Variants in CDH13 observed in about 807,000 individuals in gnomAD.
The protein encoded by CDH13 is cadherin-13.
A neutral mutation model predicts 63.8 loss-of-function variants in CDH13; 24 were observed. That is an observed-to-expected ratio of 0.38 (90% confidence interval 0.27 to 0.53). The LOEUF (loss-of-function observed/expected upper bound fraction) is 0.53, where lower values mean the gene tolerates loss of function less well. Among genes scored for constraint, CDH13 ranks in the 20% least tolerant of loss-of-function variants. The pLI is 0.85. For missense variants in CDH13, 1,049 were observed against 903.1 expected (o/e 1.16, Z -2.07); for synonymous variants, 503 against 355.3 (o/e 1.42, Z -4.67).
At chr16:82,728,230 A>G (rs1016878993) in intron 1 of CDH13, among the ~76,000 whole-genome samples, 2 of 152,166 alleles carry the variant, frequency 1.3e-5, no homozygotes, top group Non-Finnish European at 2.9e-5. Flanking sequence ...TGCTTCTCAG[A>G]TGCAATCCTT....
intron 2 of CDH13, among the ~76,000 whole-genome samples, chr16:82,922,938 A>C (rs1032276384): frequency 2.0e-5 from 3 of 152,178 alleles, no homozygotes; most frequent in Non-Finnish European, 4.4e-5. Flanking sequence ...GCAATAAAGC[A>C]AGTCACACAT....
intron 7 of CDH13, among the ~76,000 whole-genome samples, chr16:83,600,856 C>T (rs1333656587): frequency 2.6e-5 from 4 of 152,128 alleles, no homozygotes; most frequent in Admixed American, 1.3e-4. Context: ...AGTACAACCA[C>T]TAAGAACCAT....
chr16:83,440,981 T>A (rs1036286474), intron 6 of CDH13, among the ~76,000 whole-genome samples: 4 of 152,200 alleles, frequency 2.6e-5, no homozygotes, highest in African/African-American at 9.6e-5. Flanking sequence ...TGTTCATCCC[T>A]GAACACAACC....
At chr16:82,697,417 T>C (rs12928330) in intron 1 of CDH13, among the ~76,000 whole-genome samples, 2,949 of 108,250 alleles carry the variant, frequency 0.027, 68 homozygotes, top group Middle Eastern at 0.07. Flanking sequence ...AAGGCATTTC[T>C]TTTTTCTTTT....
chr16:83,112,187 A>G (rs530511165), intron 3 of CDH13, among the ~76,000 whole-genome samples: 3 of 152,280 alleles, frequency 2.0e-5, no homozygotes, highest in South Asian at 2.1e-4. Context: ...TCTTTCATTT[A>G]TTCACACATG....
chr16:82,723,030 GT>G (rs1402078585), intron 1 of CDH13: 5 of 152,190 alleles, frequency 3.3e-5, no homozygotes, highest in Non-Finnish European at 7.3e-5. Flanking sequence ...GGGCCAAGAT[GT>G]CTAAAGTTGA....
chr16:83,087,125 A>G (rs530093252), intron 3 of CDH13, among the ~76,000 whole-genome samples: 1 of 152,336 alleles, frequency 6.6e-6, no homozygotes, highest in East Asian at 1.9e-4. Context: ...CATAAAATGT[A>G]CACACAGCAC....
At chr16:83,550,179 T>G (rs1049188349) in intron 7 of CDH13, among the ~76,000 whole-genome samples, 1 of 152,214 alleles carries the variant, frequency 6.6e-6, no homozygotes, top group Admixed American at 6.5e-5. Flanking sequence ...GCATTGGTGC[T>G]CAAACATTGG....
intron 10 of CDH13, among the ~76,000 whole-genome samples, chr16:83,681,005 C>A (rs3784945): frequency 6.6e-6 from 1 of 151,904 alleles, no homozygotes; most frequent in Non-Finnish European, 1.5e-5. Context: ...CTTGATCCTA[C>A]CAGAGGAAAG....
intron 1 of CDH13, among the ~76,000 whole-genome samples, chr16:82,787,175 A>G (rs2036056747): frequency 6.6e-6 from 1 of 152,196 alleles, no homozygotes; most frequent in Admixed American, 6.5e-5. Context: ...AGGCAAGGTG[A>G]GTATCTGTAG....
At chr16:83,733,529 C>G (rs1044396857) in intron 10 of CDH13, among the ~76,000 whole-genome samples, 2 of 152,172 alleles carry the variant, frequency 1.3e-5, no homozygotes, top group Admixed American at 1.3e-4. Context: ...ATTCACTGAG[C>G]TTCAAGTCAT....
chr16:82,647,835 T>A (rs555240036), intron 1 of CDH13, among the ~76,000 whole-genome samples: 1 of 152,156 alleles, frequency 6.6e-6, no homozygotes, highest in African/African-American at 2.4e-5. Flanking sequence ...GTATCTGATA[T>A]GGTTTGGCTG....
chr16:83,152,838 A>G (rs2037044241), intron 4 of CDH13, among the ~76,000 whole-genome samples: 2 of 152,218 alleles, frequency 1.3e-5, no homozygotes, highest in South Asian at 4.1e-4. Flanking sequence ...AATGATATAG[A>G]TTGGGTCTTT....
intron 6 of CDH13, among the ~76,000 whole-genome samples, chr16:83,482,700 A>G (rs1362698086): frequency 2.6e-5 from 4 of 152,228 alleles, no homozygotes; most frequent in African/African-American, 9.6e-5. Flanking sequence ...CTGGTCTTAG[A>G]GGCCGACTAG....
intron 7 of CDH13, among the ~76,000 whole-genome samples, chr16:83,503,497 G>T (rs1179989829): frequency 6.6e-6 from 1 of 152,086 alleles, no homozygotes; most frequent in African/African-American, 2.4e-5. Flanking sequence ...GAGAGGGAAA[G>T]GAGGAAAGGA....
chr16:83,235,085 A>G (rs769216747), intron 5 of CDH13, among the ~76,000 whole-genome samples: 3 of 152,222 alleles, frequency 2.0e-5, no homozygotes, highest in Non-Finnish European at 2.9e-5. Context: ...TGCACCTATA[A>G]TCCTAGTTAC....
chr16:82,798,945 G>T (rs1260425862), intron 1 of CDH13, among the ~76,000 whole-genome samples: 1 of 152,100 alleles, frequency 6.6e-6, no homozygotes, highest in East Asian at 1.9e-4. Context: ...GCCCAGAAAG[G>T]TGCCCAAGGA....
intron 13 of CDH13, among the ~76,000 whole-genome samples, chr16:83,788,985 T>A (rs1376493711): frequency 6.6e-6 from 1 of 152,188 alleles, no homozygotes; most frequent in African/African-American, 2.4e-5. Flanking sequence ...CTTGGTCTGG[T>A]CATGTGTAAA....
At chr16:82,848,921 G>A (rs2039373144) in intron 1 of CDH13, among the ~76,000 whole-genome samples, 1 of 152,196 alleles carries the variant, frequency 6.6e-6, no homozygotes, top group African/African-American at 2.4e-5. Context: ...AGTTGTGAAT[G>A]CAAAGGAAGA....
Sources: gnomAD v4.1 joint callset for allele counts (sites outside exome capture counted in the v4.1 genomes callset) on GRCh38, gnomAD v4.1.1 for gene constraint, MANE v1.5 for transcripts, NCBI Gene and HGNC (gene_info 2026-07-23, HGNC 2026-07-21) for gene names.